CNTNAP2: variants seen among roughly 807,000 people sequenced by gnomAD.
CNTNAP2 encodes the protein contactin associated protein 2.
A neutral mutation model predicts 155.2 loss-of-function variants in CNTNAP2; 98 were observed. That is an observed-to-expected ratio of 0.63 (90% CI 0.54 to 0.75). CNTNAP2 has a LOEUF of 0.75. Ranked by LOEUF, CNTNAP2 falls within the 30% of genes least tolerant of loss-of-function variation. The pLI is 0.00. For synonymous variants in CNTNAP2, 651 were observed against 631.2 expected (o/e 1.03, Z -0.47); for missense variants, 1,727 against 1,688.1 (o/e 1.02, Z -0.40).
chr7:148,297,593 T>TA lies in CNTNAP2; in HGVS notation c.3475+30474dup, dbSNP rs538699667. ...TTTCAGTAGGTGATTTGGGGAGAGT[T>TA]AAAAAAAGTAGGGGTTTGTTCTAGA... On this transcript the variant is annotated intron_variant, in intron 21 of 23. Coordinates refer to ENST00000361727, the MANE Select transcript of CNTNAP2 (RefSeq NM_014141.6). 1.4e-3 allele frequency among the ~76,000 whole-genome samples: 210 copies of TA among 152,126 alleles called. 1 individual carries two copies. The highest frequency in any genetic ancestry group is 4.8e-3 in the African/African-American group (198 of 41,512).
chr7:146,872,308 A>G (rs1237889585), intron 3 of CNTNAP2, among the ~76,000 whole-genome samples: 2 of 152,116 alleles, frequency 1.3e-5, no homozygotes, highest in African/African-American at 4.8e-5. Context: ...TGTATTTCAA[A>G]TAGAATTATT....
intron 1 of CNTNAP2, among the ~76,000 whole-genome samples, chr7:146,554,359 T>C (rs1798165886): frequency 6.6e-6 from 1 of 152,194 alleles, no homozygotes; most frequent in South Asian, 2.1e-4. Flanking sequence ...TCAAAATAAG[T>C]TGTCTTAAAA....
At chr7:148,065,823 T>C (rs1803246961) in intron 15 of CNTNAP2, among the ~76,000 whole-genome samples, 1 of 152,234 alleles carries the variant, frequency 6.6e-6, no homozygotes. Flanking sequence ...CTATTTATCA[T>C]GCTAGTTGTT....
At chr7:146,721,120 A>G (rs559710858) in intron 1 of CNTNAP2, among the ~76,000 whole-genome samples, 5 of 132,714 alleles carry the variant, frequency 3.8e-5, no homozygotes, top group Admixed American at 7.9e-5. Flanking sequence ...TATTCTCTCT[A>G]TATATCCTAT....
intron 1 of CNTNAP2, among the ~76,000 whole-genome samples, chr7:146,745,044 G>A (rs1312901141): frequency 6.6e-6 from 1 of 152,132 alleles, no homozygotes; most frequent in African/African-American, 2.4e-5. Flanking sequence ...TCAAGGTTGT[G>A]TGCTCTAGGG....
intron 9 of CNTNAP2, among the ~76,000 whole-genome samples, chr7:147,364,935 A>T (rs935778764): frequency 6.6e-6 from 1 of 152,168 alleles, no homozygotes; most frequent in African/African-American, 2.4e-5. Flanking sequence ...TGTCACAGGA[A>T]CAAAGAGTTT....
At chr7:148,120,544 G>T (rs1314476451) in intron 16 of CNTNAP2, among the ~76,000 whole-genome samples, 2 of 152,226 alleles carry the variant, frequency 1.3e-5, no homozygotes, top group African/African-American at 4.8e-5. Context: ...TGGGATTACA[G>T]GCATGAGCCA....
chr7:147,393,183 G>C (rs540243457), intron 9 of CNTNAP2, among the ~76,000 whole-genome samples: 9 of 152,124 alleles, frequency 5.9e-5, no homozygotes, highest in East Asian at 5.8e-4. Flanking sequence ...ATATTATGGA[G>C]AGAAAAAAAT....
chr7:146,845,307 C>A (rs1803819921), intron 3 of CNTNAP2, among the ~76,000 whole-genome samples: 1 of 152,134 alleles, frequency 6.6e-6, no homozygotes. Flanking sequence ...AGCCATCAGG[C>A]AAGTGAAAGC....
intron 13 of CNTNAP2, among the ~76,000 whole-genome samples, chr7:147,877,890 T>C (rs1799449244): frequency 6.6e-6 from 1 of 152,192 alleles, no homozygotes; most frequent in South Asian, 2.1e-4. Context: ...CAGACACCAG[T>C]GTTTGCTGGC....
intron 10 of CNTNAP2, among the ~76,000 whole-genome samples, chr7:147,449,134 A>G (rs531126728): frequency 4.8e-4 from 73 of 152,286 alleles, no homozygotes; most frequent in African/African-American, 1.7e-3. Context: ...ACACTCATAT[A>G]CCTATTGAAA....
chr7:146,183,805 A>G (rs12703780), intron 1 of CNTNAP2, among the ~76,000 whole-genome samples: 38,331 of 151,534 alleles, frequency 0.25, 5,072 homozygotes, highest in Middle Eastern at 0.34. Context: ...TACTCCTCCC[A>G]CCTATAATTT....
At chr7:146,671,416 C>CT (rs1229399300) in intron 1 of CNTNAP2, among the ~76,000 whole-genome samples, 2 of 151,412 alleles carry the variant, frequency 1.3e-5, no homozygotes, top group African/African-American at 2.4e-5. Context: ...CTGTTTCTCT[C>CT]TTTTTTTGTC....
intron 20 of CNTNAP2, among the ~76,000 whole-genome samples, chr7:148,243,009 C>G (rs192831245): frequency 1.2e-4 from 19 of 152,204 alleles, no homozygotes; most frequent in Non-Finnish European, 2.6e-4. Context: ...AAGAGAAGGT[C>G]TGGGCTGGCA....
At chr7:146,720,853 A>G (rs1477514483) in intron 1 of CNTNAP2, among the ~76,000 whole-genome samples, 1 of 141,454 alleles carries the variant, frequency 7.1e-6, no homozygotes, top group Non-Finnish European at 1.5e-5. Flanking sequence ...AAGAGCTAGA[A>G]CCTATGTAAA....
chr7:147,776,060 A>G (rs768261902), intron 13 of CNTNAP2, among the ~76,000 whole-genome samples: 9 of 152,168 alleles, frequency 5.9e-5, no homozygotes, highest in African/African-American at 1.2e-4. Context: ...ACTGTTCCCT[A>G]GTAAAAGTAA....
chr7:146,662,189 G>A (rs998960115), intron 1 of CNTNAP2, among the ~76,000 whole-genome samples: 1 of 151,768 alleles, frequency 6.6e-6, no homozygotes, highest in Non-Finnish European at 1.5e-5. Context: ...CCGGGCTGGA[G>A]TGCAATGGCA....
At position 148,313,953 on chromosome 7, in the gene CNTNAP2, G is replaced by A. The variant is rs146775308; in HGVS notation, c.3475+46827G>A. 9.5e-3 allele frequency among the ~76,000 whole-genome samples: 1,440 copies of A among 152,274 alleles called. 30 individuals are homozygous for A. The highest frequency in any genetic ancestry group is 0.033 in the African/African-American group (1,361 of 41,540). On this transcript the variant is annotated intron_variant, in intron 21 of 23. Transcript: ENST00000361727. Reference sequence around the variant, plus strand: ...GAAAAGGAGCATTAACCTTGACTATGCCTTTAGCTCCAGCCACCTTTTTAA... The same window carrying A: ...GAAAAGGAGCATTAACCTTGACTATACCTTTAGCTCCAGCCACCTTTTTAA...
In CNTNAP2 at chr7:146,301,753, G is replaced by C. The variant is rs574575597; in HGVS notation, c.97+184780G>C. Among the ~76,000 whole-genome samples, 3 of 150,896 alleles carry C rather than the reference G, an allele frequency of 2.0e-5. No individual in the cohort carries two copies. The South Asian group carries it at 6.2e-4, about 31-fold the overall frequency. ...AAATAAATGCACATGTACATTCACA[G>C]TGGTGCAAGGAATTTTCTGGAAGGA... On this transcript the variant is annotated intron_variant, in intron 1 of 23. Coordinates refer to ENST00000361727, the MANE Select transcript of CNTNAP2 (RefSeq NM_014141.6).
Sources: gnomAD v4.1 joint callset for allele counts (sites outside exome capture counted in the v4.1 genomes callset) on GRCh38, gnomAD v4.1.1 for gene constraint, MANE v1.5 for transcripts, NCBI Gene and HGNC (gene_info 2026-07-23, HGNC 2026-07-21) for gene names.